The following PTPRN2 variants were observed in gnomAD, a reference collection of about 807,000 sequenced individuals.
PTPRN2 encodes protein tyrosine phosphatase receptor type N2.
A neutral mutation model predicts 118.8 loss-of-function variants in PTPRN2; 74 were observed. That is an observed-to-expected ratio of 0.62 (90% CI 0.52 to 0.76). PTPRN2 has a LOEUF of 0.76. Among genes scored for constraint, PTPRN2 ranks in the 30% least tolerant of loss-of-function variants. PTPRN2 has a pLI of 0.00. For synonymous variants in PTPRN2, 641 were observed against 608.0 expected (o/e 1.05, Z -0.80); for missense variants, 1,481 against 1,394.4 (o/e 1.06, Z -0.99).
intron 12 of PTPRN2, among the ~76,000 whole-genome samples, chr7:157,744,953 C>T (rs959976999): frequency 1.5e-4 from 23 of 152,234 alleles, no homozygotes; most frequent in African/African-American, 5.3e-4. Context: ...CACCTCACTC[C>T]CCACCACCCC....
rs1350149061 is a variant in PTPRN2, at chr7:158,015,380, AGGTC to A, written c.1723+65914_1723+65917del. Among the ~76,000 whole-genome samples, 1 of 151,972 alleles carries A rather than the reference AGGTC, an allele frequency of 6.6e-6. No individual in the cohort carries two copies. The highest frequency in any genetic ancestry group is 1.9e-4 in the East Asian group (1 of 5,184). On this transcript the variant is annotated intron_variant, in intron 11 of 22. Coordinates refer to ENST00000389418, the MANE Select transcript of PTPRN2 (RefSeq NM_002847.5). This position sits in a 1 kb window ranked among gnomAD's most constrained non-coding sequence, Gnocchi z 4.2. ...CCCTGTCTACCGATTAAAAACTCTG[AGGTC>A]TTTTTAGTTAATGTGTGACAAATAG...
intron 17 of PTPRN2, among the ~76,000 whole-genome samples, chr7:157,588,962 G>T (rs921540705): frequency 3.3e-5 from 5 of 152,162 alleles, no homozygotes; most frequent in Non-Finnish European, 7.3e-5. Flanking sequence ...TGTAGTAAAA[G>T]ATACCTAACA....
chr7:158,149,678 C>A (rs1408612281), intron 6 of PTPRN2, among the ~76,000 whole-genome samples: 1 of 152,070 alleles, frequency 6.6e-6, no homozygotes, highest in East Asian at 1.9e-4. Context: ...GTGGCGCATG[C>A]CTGTAGTCCC....
chr7:158,065,659 A>G (rs1174857820), intron 11 of PTPRN2, among the ~76,000 whole-genome samples: 2 of 152,220 alleles, frequency 1.3e-5, no homozygotes, highest in Non-Finnish European at 2.9e-5. Context: ...ACCAGCGGAT[A>G]ATGAGTTGAG....
intron 12 of PTPRN2, among the ~76,000 whole-genome samples, chr7:157,849,960 A>G (rs1277700852): frequency 6.6e-6 from 1 of 152,250 alleles, no homozygotes; most frequent in African/African-American, 2.4e-5. Flanking sequence ...TGAGATAGCC[A>G]GGCTCCCCGT....
At chr7:157,551,906 CCAGCATGCACCCCATGGG>C (rs1364862716) in intron 21 of PTPRN2, among the ~76,000 whole-genome samples, 10 of 143,528 alleles carry the variant, frequency 7.0e-5, no homozygotes, top group Admixed American at 1.4e-4. Context: ...CACCCCACAG[CCAGCATGCACCCCATGGG>C]CACCACGCAC....
chr7:157,754,367 G>A (rs1424586820), intron 12 of PTPRN2, among the ~76,000 whole-genome samples: 1 of 152,262 alleles, frequency 6.6e-6, no homozygotes, highest in Non-Finnish European at 1.5e-5. Flanking sequence ...GCTGGGGGCA[G>A]GCGGACATGC....
rs562754852 is a variant in PTPRN2, at chr7:157,546,176, T to G, written c.2976+2770A>C. On this transcript the variant is annotated intron_variant, in intron 22 of 22. Transcript: ENST00000389418. ...TCCAAGAAGGAAGCAGCTAGGAAGCTGACTCTGTTATCTGGAGTGCAGAAA... is the reference window on the plus strand; with the variant it reads ...TCCAAGAAGGAAGCAGCTAGGAAGCGGACTCTGTTATCTGGAGTGCAGAAA... Among the ~76,000 whole-genome samples, 4 of 152,324 alleles carry G rather than the reference T, an allele frequency of 2.6e-5. No individual in the cohort carries two copies. The East Asian group carries it at 7.7e-4, about 29-fold the overall frequency.
chr7:158,584,053 G>A (rs1424818883), intron 1 of PTPRN2, among the ~76,000 whole-genome samples: 2 of 152,178 alleles, frequency 1.3e-5, no homozygotes, highest in Non-Finnish European at 2.9e-5. Flanking sequence ...AAAAGTCTGT[G>A]TAGGCAAATC....
At chr7:158,559,005 G>T (rs1199896864) in intron 1 of PTPRN2, among the ~76,000 whole-genome samples, 2 of 152,090 alleles carry the variant, frequency 1.3e-5, no homozygotes, top group East Asian at 3.9e-4. Flanking sequence ...ACACTGGGGG[G>T]TCCAGAGGCC....
At chr7:158,195,553 C>T (rs142480876) in intron 4 of PTPRN2, among the ~76,000 whole-genome samples, 20 of 151,964 alleles carry the variant, frequency 1.3e-4, no homozygotes, top group African/African-American at 4.3e-4. Context: ...CTGTCTCTCC[C>T]GCCTTGGGAC....
intron 11 of PTPRN2, among the ~76,000 whole-genome samples, chr7:157,989,913 C>T (rs1416360652): frequency 3.3e-5 from 5 of 152,042 alleles, no homozygotes; most frequent in Non-Finnish European, 5.9e-5. Context: ...CCCAGGGCTG[C>T]GCTGACCTGC....
At chr7:158,361,622 C>T (rs1431784159) in intron 2 of PTPRN2, among the ~76,000 whole-genome samples, 4 of 152,222 alleles carry the variant, frequency 2.6e-5, no homozygotes, top group South Asian at 2.1e-4. Context: ...TCTGGAGCCC[C>T]GGAGCCAGCC....
intron 2 of PTPRN2, among the ~76,000 whole-genome samples, chr7:158,361,810 T>G (rs1308096214): frequency 6.6e-6 from 1 of 152,114 alleles, no homozygotes. Context: ...CCACAGATGG[T>G]CTGGCTGGGG....
chr7:158,328,168 C>T (rs1803809599), intron 2 of PTPRN2, among the ~76,000 whole-genome samples: 2 of 152,210 alleles, frequency 1.3e-5, no homozygotes, highest in Admixed American at 1.3e-4. Context: ...AAACTGCTGT[C>T]ATGGCATCCA....
At chr7:157,979,971 C>A (rs569945171) in intron 11 of PTPRN2, among the ~76,000 whole-genome samples, 1 of 152,328 alleles carries the variant, frequency 6.6e-6, no homozygotes, top group East Asian at 1.9e-4. Context: ...TGTTGTATAG[C>A]ATCAGATAAC....
chr7:157,583,932 ACACT>A lies in PTPRN2; in HGVS notation c.2497-5796_2497-5793del, dbSNP rs1430060940. Among the ~76,000 whole-genome samples the A allele has an allele frequency of 3.6e-4, 49 of 134,772 alleles. No homozygotes were observed. In the Admixed American group the frequency reaches 3.7e-3, roughly 10 times the overall value. 88.4% of individuals were successfully genotyped at this position (134,772 alleles called of 152,430 possible). On this transcript the variant is annotated intron_variant, in intron 17 of 22. Coordinates refer to ENST00000389418, the MANE Select transcript of PTPRN2 (RefSeq NM_002847.5). The surrounding 1 kb of genome is among the most constrained non-coding windows in gnomAD (Gnocchi z 5.5). The stretch of plus-strand genomic sequence containing the variant: ...CACACACACACACACACACACACAC[ACACT>A]CTTAAAATAAGCTCTCCTGAAGCCC...
At chr7:157,931,692 G>C (rs1028384800) in intron 11 of PTPRN2, among the ~76,000 whole-genome samples, 2 of 152,138 alleles carry the variant, frequency 1.3e-5, no homozygotes, top group African/African-American at 4.8e-5. Context: ...TTTTCAGTGA[G>C]TTACCGAGAC....
At chr7:158,425,164 G>C (rs1815611545) in intron 2 of PTPRN2, among the ~76,000 whole-genome samples, 1 of 152,222 alleles carries the variant, frequency 6.6e-6, no homozygotes, top group Non-Finnish European at 1.5e-5. Context: ...GAAAGACGCA[G>C]AGTACGAGAC....
Sources: gnomAD v4.1 joint callset for allele counts (sites outside exome capture counted in the v4.1 genomes callset) on GRCh38, gnomAD v4.1.1 for gene constraint, Gnocchi (gnomAD v3.1) non-coding constraint, MANE v1.5 for transcripts, NCBI Gene and HGNC (gene_info 2026-07-23, HGNC 2026-07-21) for gene names.